Variants in PTPRT observed in about 807,000 individuals in gnomAD.
PTPRT encodes protein tyrosine phosphatase receptor type T.
In PTPRT, 56 loss-of-function variants were observed where a neutral mutation model predicts 176.8. That is an observed-to-expected ratio of 0.32 (90% CI 0.26 to 0.40). The LOEUF (loss-of-function observed/expected upper bound fraction) is 0.40. Ranked by LOEUF, PTPRT falls within the 10% of genes least tolerant of loss-of-function variation. The pLI is 1.00. For missense variants in PTPRT, 1,540 were observed against 1,908.2 expected (o/e 0.81, Z 3.60); for synonymous variants, 783 against 739.0 (o/e 1.06, Z -0.96).
chr20:42,900,799 C>G (rs529838826), intron 1 of PTPRT, among the ~76,000 whole-genome samples: 12 of 151,988 alleles, frequency 7.9e-5, no homozygotes, highest in Non-Finnish European at 1.6e-4. Flanking sequence ...TTTGGAACAC[C>G]AAGCTCTGTG....
chr20:42,550,158 T>A (rs2072742389), intron 7 of PTPRT, among the ~76,000 whole-genome samples: 1 of 152,128 alleles, frequency 6.6e-6, no homozygotes, highest in Non-Finnish European at 1.5e-5. Context: ...CTCCATGTTA[T>A]CCTGATAGGT....
intron 7 of PTPRT, among the ~76,000 whole-genome samples, chr20:42,533,183 A>G (rs753816010): frequency 2.6e-5 from 4 of 152,240 alleles, no homozygotes; most frequent in African/African-American, 9.6e-5. Context: ...GCAGGAGGCC[A>G]AAGGCTGAGA....
At chr20:42,628,448 C>T (rs1339651512) in intron 7 of PTPRT, among the ~76,000 whole-genome samples, 1 of 152,182 alleles carries the variant, frequency 6.6e-6, no homozygotes, top group Non-Finnish European at 1.5e-5. Context: ...CTCCCATAAA[C>T]TGGCAAATCA....
intron 13 of PTPRT, among the ~76,000 whole-genome samples, chr20:42,257,171 G>A (rs865932893): frequency 1.3e-5 from 2 of 152,132 alleles, no homozygotes; most frequent in Non-Finnish European, 2.9e-5. Flanking sequence ...TTCGAGGGGT[G>A]TGTGGGCTTG....
chr20:42,239,982 C>G (rs1237723514), intron 14 of PTPRT, among the ~76,000 whole-genome samples: 2 of 152,178 alleles, frequency 1.3e-5, no homozygotes, highest in African/African-American at 2.4e-5. Context: ...GCTGGATGCT[C>G]TCACTGTCAG....
intron 19 of PTPRT, among the ~76,000 whole-genome samples, chr20:42,124,324 A>G (rs752402431): frequency 4.6e-5 from 7 of 152,246 alleles, no homozygotes; most frequent in African/African-American, 9.6e-5. Flanking sequence ...AGCAATGGGA[A>G]AGAGGTTTGC....
chr20:42,837,907 T>C lies in PTPRT; in HGVS notation c.215-46441A>G, dbSNP rs76453696. Among the ~76,000 whole-genome samples the C allele has an allele frequency of 8.2e-3, 1,244 of 152,162 alleles. 17 individuals are homozygous for C. Among genetic ancestry groups the C allele is most frequent in the African/African-American group, 0.029 (1,193 of 41,502 alleles). On this transcript the variant is annotated intron_variant, in intron 2 of 30. Coordinates refer to ENST00000373187, the MANE Select transcript of PTPRT (RefSeq NM_007050.6). The stretch of plus-strand genomic sequence containing the variant: ...GAGGGGTCAAAGGTGGCTCTTGGTG[T>C]TCACATTTGCACCCTAGACAGATAT...
intron 13 of PTPRT, among the ~76,000 whole-genome samples, chr20:42,255,497 C>G (rs2056622873): frequency 6.6e-6 from 1 of 152,166 alleles, no homozygotes; most frequent in Non-Finnish European, 1.5e-5. Context: ...TCCTTGTAAC[C>G]TGCTACCTAA....
At chr20:42,709,900 A>C (rs375615329) in intron 6 of PTPRT, among the ~76,000 whole-genome samples, 2 of 152,332 alleles carry the variant, frequency 1.3e-5, no homozygotes, top group South Asian at 4.1e-4. Context: ...AAGGTCACTC[A>C]TGTTACACCC....
chr20:43,122,619 T>C (rs1185923269), intron 1 of PTPRT, among the ~76,000 whole-genome samples: 1 of 152,160 alleles, frequency 6.6e-6, no homozygotes, highest in East Asian at 1.9e-4. Context: ...TCATCCAAGA[T>C]CTGGTTGTTT....
At chr20:42,687,169 A>T (rs1264337541) in intron 6 of PTPRT, 1 of 152,144 alleles carries the variant, frequency 6.6e-6, no homozygotes, top group African/African-American at 2.4e-5. Context: ...GCCTTAACTG[A>T]TATTCTTATT....
intron 6 of PTPRT, among the ~76,000 whole-genome samples, chr20:42,679,307 A>G (rs1292674222): frequency 6.6e-6 from 1 of 152,146 alleles, no homozygotes; most frequent in African/African-American, 2.4e-5. Flanking sequence ...GGAAAAAAAA[A>G]AAAACTGACA....
chr20:43,153,814 C>T (rs1302260698), intron 1 of PTPRT, among the ~76,000 whole-genome samples: 2 of 152,164 alleles, frequency 1.3e-5, no homozygotes, highest in Non-Finnish European at 2.9e-5. Flanking sequence ...AGGCTGGCAA[C>T]AAGCTCAGCA....
In PTPRT at chr20:42,248,703, G is replaced by A. The variant is rs1313697654; in HGVS notation, c.2296C>T (p.Leu766Phe). Reference protein sequence around the residue: ...MFIIILLGVMLTIKRRRNAYS... With the variant: ...MFIIILLGVMFTIKRRRNAYS... ...GAGACTCACCTCCTTTTGATGGTGA[G>A]CATCACGCCCAGGAGAATGATGATG... Residue 766 changes from leucine (L) to phenylalanine (F), a missense_variant, in exon 14 of 31, where the codon CTC becomes TTC. Around this residue, in one of 11 missense-constraint regions of PTPRT, gnomAD observed 255 missense variants for 250.1 expected, o/e 1.02. Coordinates refer to ENST00000373187, the MANE Select transcript of PTPRT (RefSeq NM_007050.6). The A allele has an allele frequency of 1.2e-6, 2 of 1,613,820 alleles. No homozygotes were observed. Among genetic ancestry groups the A allele is most frequent in the Non-Finnish European group, 1.7e-6 (2 of 1,179,896 alleles).
At chr20:42,832,640 T>A (rs1324377243) in intron 2 of PTPRT, among the ~76,000 whole-genome samples, 10 of 130,680 alleles carry the variant, frequency 7.7e-5, no homozygotes, top group African/African-American at 2.9e-4. Flanking sequence ...CAAGTATAAA[T>A]AAAAATTGCA....
chr20:42,472,343 A>T lies in PTPRT; in HGVS notation c.1373T>A (p.Ile458Asn). 6.2e-7 allele frequency: 1 copy of T among 1,614,146 alleles called. No homozygotes were observed. Among genetic ancestry groups the T allele is most frequent in the Non-Finnish European group, 8.5e-7 (1 of 1,180,024 alleles). The change falls in exon 8 of 31, where the codon ATC (isoleucine) becomes AAC (asparagine). Residue 458 changes from isoleucine to asparagine, a missense_variant. Ile to Asn is a moderately radical substitution (Grantham distance 149). Coordinates refer to ENST00000373187, the MANE Select transcript of PTPRT (RefSeq NM_007050.6). Reference protein sequence around the residue: ...TLRGLRPFMTIRLRLLLSNPE... With the variant: ...TLRGLRPFMTNRLRLLLSNPE... The stretch of plus-strand genomic sequence containing the variant: ...GTTAGACAGCAAGAGTCGCAGCCGG[A>T]TGGTCATGAAGGGGCGCAGGCCTCG...
intron 1 of PTPRT, among the ~76,000 whole-genome samples, chr20:42,901,762 AAAAT>A (rs1355457051): frequency 2.0e-5 from 3 of 152,236 alleles, no homozygotes; most frequent in African/African-American, 7.2e-5. Context: ...AGGAAGCAGA[AAAAT>A]AAATAGAGAA....
intron 1 of PTPRT, among the ~76,000 whole-genome samples, chr20:43,170,215 T>G (rs1392543426): frequency 6.6e-6 from 1 of 152,066 alleles, no homozygotes; most frequent in Non-Finnish European, 1.5e-5. Context: ...GAAATTCCTA[T>G]TTAAGCATGA....
chr20:42,055,391 G>A, the PTPRT span, among the ~76,000 whole-genome samples: 87 of 152,302 alleles, frequency 5.7e-4, no homozygotes, highest in Non-Finnish European at 1.1e-3. Context: ...TGGATATTAC[G>A]GAGACTCAAT....
Sources: allele counts gnomAD v4.1 joint callset (sites outside exome capture counted in the v4.1 genomes callset), GRCh38; gene constraint gnomAD v4.1.1; regional missense constraint gnomAD v4.1.1; transcripts MANE v1.5; gene names NCBI Gene and HGNC (gene_info 2026-07-23, HGNC 2026-07-21).